Variants in MATR3 observed in about 807,000 individuals in gnomAD.
MATR3 encodes the protein matrin-3.
A neutral mutation model predicts 85.5 loss-of-function variants in MATR3; 4 were observed. The ratio of observed to expected loss-of-function variants is 0.05; its 90% CI spans 0.02 to 0.11. The LOEUF is 0.11. MATR3 is among the 10% of genes least tolerant of loss of function. MATR3 has a pLI of 1.00. For synonymous variants in MATR3, 336 were observed against 343.1 expected (o/e 0.98, Z 0.23); for missense variants, 685 against 1,016.1 (o/e 0.67, Z 4.43).
In MATR3 at chr5:139,307,129, G is replaced by A; in HGVS notation, c.-177-110G>A. On this transcript the variant is annotated intron_variant, in intron 1 of 14. Coordinates refer to ENST00000394805, the MANE Select transcript of MATR3 (RefSeq NM_018834.6). This position sits in a 1 kb window ranked among gnomAD's most constrained non-coding sequence, Gnocchi z 4.4. ...TGTAATAAATTCCTTGTAAGTTTGA[G>A]ATCTTAAATGTTTTTTTTTTAAATC... 2.8e-6 allele frequency: 2 copies of A among 716,250 alleles called. No homozygotes were observed. The highest frequency in any genetic ancestry group is 3.6e-6 in the Non-Finnish European group (2 of 552,634). 44.4% of individuals were successfully genotyped at this position (716,250 alleles called of 1,614,324 possible). A position where few individuals can be genotyped will look rare whatever the true frequency, so the allele number is the denominator to read the frequency against.
At chr5:139,277,865 A>G (rs1285662527) in intron 2 of MATR3, among the ~76,000 whole-genome samples, 2 of 150,678 alleles carry the variant, frequency 1.3e-5, no homozygotes, top group East Asian at 3.9e-4. Flanking sequence ...AAATCATGCT[A>G]GTTAACACAT....
chr5:139,328,505 A>G (rs1755970842), intron 14 of MATR3, among the ~76,000 whole-genome samples: 1 of 152,178 alleles, frequency 6.6e-6, no homozygotes, highest in Non-Finnish European at 1.5e-5. Context: ...GGGGTCAGCA[A>G]GCTACACTCG....
chr5:139,330,471 T>C lies in MATR3; in HGVS notation c.*1076T>C, dbSNP rs2015602. 0.01 allele frequency: 4,643 copies of C among 454,350 alleles called. 193 individuals are homozygous for C. The highest frequency in any genetic ancestry group is 0.085 in the African/African-American group (4,254 of 50,120). The allele number at this position is 454,350 out of a possible 1,614,324, so 28.1% of individuals were successfully genotyped here. A position where few individuals can be genotyped will look rare whatever the true frequency, so the allele number is the denominator to read the frequency against. On this transcript the variant is annotated 3_prime_UTR_variant, in exon 15 of 15. Transcript: ENST00000394805. ...TTTGTCAGTTGTGGTTTTTATTCGC[T>C]CTTAAACTTTGTGCATGCTTTAACA...
In MATR3 at chr5:139,330,509, T is replaced by C. The variant is rs1434749425; in HGVS notation, c.*1114T>C. ...GCATGCTTTAACAATTTATTACTTT[T>C]AAATCTAGAGTGAATTCTAAAGACT... On this transcript the variant is annotated 3_prime_UTR_variant, in exon 15 of 15. Transcript: ENST00000394805. The C allele has an allele frequency of 2.2e-6, 1 of 454,188 alleles. No homozygotes were observed. The highest frequency in any genetic ancestry group is 4.4e-6 in the Non-Finnish European group (1 of 226,794). The allele number at this position is 454,188 out of a possible 1,614,324, so 28.1% of individuals were successfully genotyped here. A position where few individuals can be genotyped will look rare whatever the true frequency, so the allele number is the denominator to read the frequency against.
intron 2 of MATR3, 102 bp from the exon 3 acceptor site, chr5:139,314,573 C>G: frequency 1.1e-6 from 1 of 875,062 alleles, no homozygotes; most frequent in Admixed American, 1.9e-5. Flanking sequence ...GTTTGTACAG[C>G]CTATGATACT....
upstream of MATR3, among the ~76,000 whole-genome samples, chr5:139,289,907 T>C (rs929967980): frequency 6.6e-6 from 1 of 152,246 alleles, no homozygotes; most frequent in Admixed American, 6.5e-5. Flanking sequence ...TTACCTGATA[T>C]CCATGTTGCT....
intron 14 of MATR3, among the ~76,000 whole-genome samples, chr5:139,326,810 T>C (rs1755875330): frequency 6.6e-6 from 1 of 152,244 alleles, no homozygotes; most frequent in Admixed American, 6.5e-5. Flanking sequence ...TTTAGTGTTT[T>C]CTAACCATAT....
chr5:139,327,131 A>G (rs558138300), intron 14 of MATR3, among the ~76,000 whole-genome samples: 41 of 152,302 alleles, frequency 2.7e-4, no homozygotes, highest in African/African-American at 8.9e-4. Flanking sequence ...AGTGACTGAA[A>G]CTTAAAAGTA....
chr5:139,298,533 C>T (rs1384883288), intron 1 of MATR3, among the ~76,000 whole-genome samples: 2 of 152,190 alleles, frequency 1.3e-5, no homozygotes, highest in Non-Finnish European at 2.9e-5. Flanking sequence ...CGTGCCACTG[C>T]ACTCCAAGGC....
chr5:139,282,753 T>C (rs1262250384), intron 3 of MATR3: 1 of 152,252 alleles, frequency 6.6e-6, no homozygotes, highest in Non-Finnish European at 1.5e-5. Flanking sequence ...CCGTTGAAGA[T>C]ACCACATTAC....
upstream of MATR3, among the ~76,000 whole-genome samples, chr5:139,290,879 C>T (rs73255217): frequency 0.012 from 1,872 of 152,244 alleles, 46 homozygotes; most frequent in African/African-American, 0.043. Context: ...TCATGTGTCC[C>T]CAACTGAACT....
intron 1 of MATR3, chr5:139,276,044 C>T (rs1753264741): frequency 2.2e-6 from 1 of 456,682 alleles, no homozygotes; most frequent in African/African-American, 2.0e-5. Flanking sequence ...CCTAAGTTAC[C>T]GTGTTTTGAG....
At chr5:139,293,084 T>A (rs1017263385), upstream of MATR3, among the ~76,000 whole-genome samples, 1 of 151,644 alleles carries the variant, frequency 6.6e-6, no homozygotes, top group Non-Finnish European at 1.5e-5. Context: ...AGACACCATC[T>A]CTACGGAAAA....
chr5:139,323,088 T>C (rs1246218750), intron 12 of MATR3, 121 bp downstream of exon 12: 2 of 978,584 alleles, frequency 2.0e-6, no homozygotes, highest in Admixed American at 2.9e-5. Flanking sequence ...AAATCAGATA[T>C]GAACCAGAAT....
intron 2 of MATR3, among the ~76,000 whole-genome samples, chr5:139,309,126 T>C (rs924546946): frequency 9.2e-5 from 14 of 152,354 alleles, no homozygotes; most frequent in Admixed American, 5.2e-4. Context: ...GCTTTAATTA[T>C]CACATCTGGC....
rs965491079 is a variant in MATR3, at chr5:139,330,669, C to G, written c.*1274C>G. On this transcript the variant is annotated 3_prime_UTR_variant, in exon 15 of 15. Transcript: ENST00000394805. Reference sequence around the variant, plus strand: ...AATGCTACAGGTGAACAAACAGAAGCTTATGTTTAGAGATATTGATGACTT... The same window carrying G: ...AATGCTACAGGTGAACAAACAGAAGGTTATGTTTAGAGATATTGATGACTT... The G allele has an allele frequency of 2.9e-5, 13 of 453,890 alleles. No homozygotes were observed. Among genetic ancestry groups the G allele is most frequent in the African/African-American group, 2.2e-4 (11 of 49,966 alleles). 28.1% of individuals were successfully genotyped at this position (453,890 alleles called of 1,614,324 possible).
intron 8 of MATR3, 61 bp downstream of exon 8, chr5:139,319,094 C>T (rs1362230037): frequency 9.7e-6 from 15 of 1,542,274 alleles, no homozygotes; most frequent in Non-Finnish European, 1.3e-5. Context: ...TAGTTATTAA[C>T]TGTGGTTATT....
intron 2 of MATR3, chr5:139,276,322 T>C (rs1753274294): frequency 2.3e-6 from 1 of 428,842 alleles, no homozygotes; most frequent in Admixed American, 2.5e-5. Flanking sequence ...GCCAGCATAG[T>C]TGCTTATCCA....
intron 3 of MATR3, chr5:139,314,977 T>C (rs1755169014): frequency 2.3e-6 from 1 of 439,990 alleles, no homozygotes; most frequent in South Asian, 2.2e-5. Flanking sequence ...TTGGTCATTA[T>C]ACAAATTGGT....
Sources: allele counts gnomAD v4.1 joint callset (sites outside exome capture counted in the v4.1 genomes callset), GRCh38; gene constraint gnomAD v4.1.1; non-coding constraint Gnocchi (gnomAD v3.1); transcripts MANE v1.5; gene names NCBI Gene and HGNC (gene_info 2026-07-23, HGNC 2026-07-21).